The following PATJ variants were observed in gnomAD, a reference collection of about 807,000 sequenced individuals.
PATJ encodes the protein PATJ crumbs cell polarity complex component, also known as inaD-like protein.
A neutral mutation model predicts 224.9 loss-of-function variants in PATJ; 190 were observed. That is an observed-to-expected ratio of 0.84 (90% CI 0.75 to 0.95). The LOEUF (loss-of-function observed/expected upper bound fraction) is 0.95, where lower values mean the gene tolerates loss of function less well. PATJ is among the 40% of genes least tolerant of loss of function. PATJ has a pLI of 0.00. For missense variants in PATJ, 2,121 were observed against 2,270.3 expected (o/e 0.93, Z 1.34); for synonymous variants, 769 against 820.3 (o/e 0.94, Z 1.07).
chr1:61,922,217 AT>A (rs1055032895), intron 26 of PATJ, among the ~76,000 whole-genome samples: 2 of 151,758 alleles, frequency 1.3e-5, no homozygotes, highest in Non-Finnish European at 2.9e-5. Flanking sequence ...TAATTTTTTT[AT>A]TTTTTTAGTA....
chr1:61,797,515 C>T, intron 11 of PATJ, 87 bp downstream of exon 11: 1 of 1,167,216 alleles, frequency 8.6e-7, no homozygotes, highest in Non-Finnish European at 1.3e-6. Context: ...TGAGTCTCAG[C>T]AGGAAATGTT....
intron 1 of PATJ, among the ~76,000 whole-genome samples, chr1:61,742,769 G>T (rs1644824161): frequency 6.6e-6 from 1 of 150,392 alleles, no homozygotes; most frequent in Non-Finnish European, 1.5e-5. Context: ...GGCGCCCGCG[G>T]CGTGCGTCCG....
intron 27 of PATJ, among the ~76,000 whole-genome samples, chr1:61,959,850 C>G (rs533776049): frequency 4.7e-4 from 71 of 152,040 alleles, no homozygotes; most frequent in South Asian, 8.3e-4. Flanking sequence ...AGCCAGACTT[C>G]CATCTCTACA....
At position 61,866,099 on chromosome 1, in the gene PATJ, G is replaced by A. The variant is rs540444689; in HGVS notation, c.2835+1466G>A. ...ATGGAATCTGGTGTGCTCCGTTGAC[G>A]TTGGTACTTTCTATATTTGCCAGTC... On this transcript the variant is annotated intron_variant, in intron 20 of 43. Transcript: ENST00000642238. Among the ~76,000 whole-genome samples, 30 of 152,304 alleles carry A rather than the reference G, an allele frequency of 2.0e-4. No individual in the cohort carries two copies. In the South Asian group the frequency reaches 6.0e-3, roughly 31 times the overall value.
intron 26 of PATJ, chr1:61,918,023 G>C (rs1485573547): frequency 1.3e-5 from 2 of 150,676 alleles, no homozygotes; most frequent in Non-Finnish European, 2.9e-5. Flanking sequence ...CTGCACTCCA[G>C]CCTGGACGAC....
At position 61,790,222 on chromosome 1, in the gene PATJ, A is replaced by G. The variant is rs79050363; in HGVS notation, c.1069-1126A>G. The stretch of plus-strand genomic sequence containing the variant: ...CTGTCTCTGAGAAAAAAAAAAAAAA[A>G]AAGAAGAAGAAGAAAATAAAATAAG... On this transcript the variant is annotated intron_variant, in intron 8 of 43. Coordinates refer to ENST00000642238, the MANE Select transcript of PATJ (RefSeq NM_001350145.3). 6.0e-5 allele frequency among the ~76,000 whole-genome samples: 9 copies of G among 150,904 alleles called. No homozygotes were observed. In the East Asian group the frequency reaches 7.7e-4, roughly 13 times the overall value.
In PATJ at chr1:62,128,903, G is replaced by A; in HGVS notation, c.5229G>A (p.Val1743=). Residue 1743 remains valine, a synonymous_variant, in exon 41 of 44, where the codon GTG becomes GTA. Coordinates refer to ENST00000642238, the MANE Select transcript of PATJ (RefSeq NM_001350145.3). ...TGGATGGGCTGTCTCACGCGGATGT[G>A]GTTAATCTGCTGAAGAACGCCTACG... is the stretch of plus-strand genomic sequence containing the variant. ...QPLDGLSHAD[V]VNLLKNAYGR... The A allele has an allele frequency of 6.2e-7, 1 of 1,613,416 alleles. No individual in the cohort carries two copies. Among genetic ancestry groups the A allele is most frequent in the Non-Finnish European group, 8.5e-7 (1 of 1,179,454 alleles).
At chr1:61,979,507 G>T (rs573702711) in intron 27 of PATJ, among the ~76,000 whole-genome samples, 1 of 152,104 alleles carries the variant, frequency 6.6e-6, no homozygotes, top group South Asian at 2.1e-4. Flanking sequence ...ACAAAAATTA[G>T]CTGGATGTGG....
intron 33 of PATJ, among the ~76,000 whole-genome samples, chr1:62,097,696 G>A (rs1255960515): frequency 2.0e-5 from 3 of 152,186 alleles, no homozygotes; most frequent in African/African-American, 7.2e-5. Flanking sequence ...AGCCTAAATT[G>A]CAAACCCATA....
intron 31 of PATJ, among the ~76,000 whole-genome samples, chr1:62,070,404 A>G (rs185150467): frequency 3.3e-5 from 5 of 152,276 alleles, no homozygotes; most frequent in Admixed American, 6.5e-5. Flanking sequence ...ACGTGGGTGC[A>G]TTTAAGATTT....
Position 62,161,871 on chromosome 1 carries a change from A to C in PATJ, c.*817A>C, listed in dbSNP as rs1669864741. On this transcript the variant is annotated 3_prime_UTR_variant, in exon 44 of 44. Transcript: ENST00000642238. ...CAAGAAAACATTAGCAGTGTAATTA[A>C]TTTACCAGTGATCCCCAAGATGAAA... The C allele has an allele frequency of 6.6e-6, 1 of 152,196 alleles. No individual in the cohort carries two copies. The highest frequency in any genetic ancestry group is 6.5e-5 in the Admixed American group (1 of 15,274). 9.4% of individuals were successfully genotyped at this position (152,196 alleles called of 1,614,324 possible). A position where few individuals can be genotyped will look rare whatever the true frequency, so the allele number is the denominator to read the frequency against.
Position 62,116,616 on chromosome 1 carries a change from C to T in PATJ, c.4740C>T (p.Ile1580=). 1 of 1,614,020 alleles carries T rather than the reference C, an allele frequency of 6.2e-7. No homozygotes were observed. Among genetic ancestry groups the T allele is most frequent in the Non-Finnish European group, 8.5e-7 (1 of 1,179,986 alleles). The change falls in exon 36 of 44, where the codon ATC becomes ATT. Residue 1580 remains isoleucine (I), a synonymous_variant. Transcript: ENST00000642238. ...LDGRLIQGDQ[I]LSVNGEDMRN... Reference sequence around the variant, plus strand: ...GGAGATTGATTCAGGGAGATCAGATCTTATCTGTGAATGGGGAGGACATGA... The same window carrying T: ...GGAGATTGATTCAGGGAGATCAGATTTTATCTGTGAATGGGGAGGACATGA...
At chr1:62,141,679 A>AT (rs1451859845) in intron 41 of PATJ, among the ~76,000 whole-genome samples, 1 of 151,726 alleles carries the variant, frequency 6.6e-6, no homozygotes, top group African/African-American at 2.4e-5. Context: ...TGTCTCAAAA[A>AT]AAAAAAAAAT....
chr1:62,086,905 A>C lies in PATJ; in HGVS notation c.4377+2257A>C, dbSNP rs1309084169. Among the ~76,000 whole-genome samples the C allele has an allele frequency of 6.6e-6, 1 of 152,074 alleles. No homozygotes were observed. The highest frequency in any genetic ancestry group is 1.5e-5 in the Non-Finnish European group (1 of 68,010). ...TGGGGTCCCCTCGGCCAGACCAGGT[A>C]GGGGTGCCTGCGACCCCTGAAGCCC... is the stretch of plus-strand genomic sequence containing the variant. On this transcript the variant is annotated intron_variant, in intron 33 of 43. Transcript: ENST00000642238. This position sits in a 1 kb window ranked among gnomAD's most constrained non-coding sequence, Gnocchi z 4.0.
At chr1:61,813,798 C>T (rs959905424) in intron 14 of PATJ, among the ~76,000 whole-genome samples, 3 of 151,910 alleles carry the variant, frequency 2.0e-5, no homozygotes, top group Middle Eastern at 3.2e-3. Flanking sequence ...GAAATGCTTT[C>T]GGAGGTAATA....
chr1:61,843,353 G>T (rs1661418583), intron 17 of PATJ, among the ~76,000 whole-genome samples: 1 of 152,160 alleles, frequency 6.6e-6, no homozygotes, highest in Non-Finnish European at 1.5e-5. Context: ...ACTTTGGCAA[G>T]CTTGTTAGTC....
At chr1:62,048,594 T>G (rs1570319625) in intron 30 of PATJ, among the ~76,000 whole-genome samples, 1 of 144,762 alleles carries the variant, frequency 6.9e-6, no homozygotes, top group Non-Finnish European at 1.5e-5. Context: ...AAGAAAATAG[T>G]AAATTATATT....
Position 61,808,528 on chromosome 1 carries a change from A to C in PATJ, c.1681A>C (p.Lys561Gln). The C allele has an allele frequency of 1.3e-6, 2 of 1,595,324 alleles. No homozygotes were observed. The highest frequency in any genetic ancestry group is 1.1e-5 in the South Asian group (1 of 90,362). The change falls in exon 14 of 44, where the codon AAG becomes CAG. Residue 561 changes from lysine to glutamine, a missense_variant and splice_region_variant. Coordinates refer to ENST00000642238, the MANE Select transcript of PATJ (RefSeq NM_001350145.3). ...ADDAELQKYS[K>Q]LLPIHTLRLG... ...TGATGCTGAGTTACAGAAATATTCA[A>C]AGGTAAGCATTTTTTATAACAAAGT...
At chr1:61,775,627 G>A (rs1444209241) in intron 7 of PATJ, among the ~76,000 whole-genome samples, 1 of 152,032 alleles carries the variant, frequency 6.6e-6, no homozygotes, top group Non-Finnish European at 1.5e-5. Flanking sequence ...ATTGCATTTT[G>A]AACATCTGTA....
Sources: gnomAD v4.1 joint callset for allele counts (sites outside exome capture counted in the v4.1 genomes callset) on GRCh38, gnomAD v4.1.1 for gene constraint, Gnocchi (gnomAD v3.1) non-coding constraint, MANE v1.5 for transcripts, NCBI Gene and HGNC (gene_info 2026-07-23, HGNC 2026-07-21) for gene names.